The following TBC1D5 variants were observed in gnomAD, a reference collection of about 807,000 sequenced individuals.
TBC1D5 encodes TBC1 domain family member 5.
In TBC1D5, 75 loss-of-function variants were observed where a neutral mutation model predicts 100.3. That is an observed-to-expected ratio of 0.75 (90% CI 0.62 to 0.91). The LOEUF (loss-of-function observed/expected upper bound fraction) is 0.91, where lower values mean the gene tolerates loss of function less well. Ranked by LOEUF, TBC1D5 falls within the 40% of genes least tolerant of loss-of-function variation. The pLI is 0.00. For synonymous variants in TBC1D5, 323 were observed against 325.6 expected (o/e 0.99, Z 0.09); for missense variants, 910 against 942.4 (o/e 0.97, Z 0.45).
At chr3:17,470,475 G>C (rs943195846) in intron 3 of TBC1D5, among the ~76,000 whole-genome samples, 1 of 152,180 alleles carries the variant, frequency 6.6e-6, no homozygotes, top group Non-Finnish European at 1.5e-5. Context: ...AACAGAAATG[G>C]AAAATGATGC....
chr3:17,465,346 G>C (rs1017134397), intron 3 of TBC1D5: 11 of 186,314 alleles, frequency 5.9e-5, no homozygotes, highest in Admixed American at 4.1e-4. Context: ...CAACAAAGCT[G>C]TCTGGGCCAA....
chr3:17,406,541 C>A lies in TBC1D5; in HGVS notation c.168-15G>T. 6.3e-7 allele frequency: 1 copy of A among 1,593,088 alleles called. No homozygotes were observed. The highest frequency in any genetic ancestry group is 8.6e-7 in the Non-Finnish European group (1 of 1,165,982). ...CCCATTCTTTCCTATATGAAAGAAA[C>A]CAAAGCATGAGAATCCTTTTGTTAA... On this transcript the variant is annotated splice_polypyrimidine_tract_variant and intron_variant, in intron 4 of 21. Transcript: ENST00000253692.
intron 1 of TBC1D5, among the ~76,000 whole-genome samples, chr3:17,684,834 T>TA (rs2070028831): frequency 6.6e-6 from 1 of 151,932 alleles, no homozygotes; most frequent in South Asian, 2.1e-4. Flanking sequence ...AAGGTGGATT[T>TA]AAAAAAACAA....
chr3:17,725,499 G>A (rs1227580597), intron 1 of TBC1D5, among the ~76,000 whole-genome samples: 1 of 151,914 alleles, frequency 6.6e-6, no homozygotes, highest in Non-Finnish European at 1.5e-5. Context: ...ATGGCTCTTT[G>A]GAGTCTCAGT....
rs114025722 is a variant in TBC1D5, at chr3:17,484,105, C to T, written c.97+24369G>A. ...TATCAAAAGAACCAGACCCAAGGAT[C>T]TCCTTTTCACTCCTAATGTTAATTT... On this transcript the variant is annotated intron_variant, in intron 3 of 21. Coordinates refer to ENST00000253692, the Ensembl canonical transcript of TBC1D5. Among the ~76,000 whole-genome samples the T allele has an allele frequency of 3.6e-3, 554 of 152,252 alleles. 4 individuals carry two copies. The highest frequency in any genetic ancestry group is 6.8e-3 in the Middle Eastern group (2 of 294).
intron 14 of TBC1D5, among the ~76,000 whole-genome samples, chr3:17,306,702 A>G (rs758670926): frequency 2.0e-5 from 3 of 152,170 alleles, no homozygotes; most frequent in African/African-American, 4.8e-5. Flanking sequence ...ACTTTTCAGC[A>G]GTTGTTTGAT....
At chr3:17,366,442 TA>T (rs1575546426) in intron 13 of TBC1D5, among the ~76,000 whole-genome samples, 4 of 152,312 alleles carry the variant, frequency 2.6e-5, no homozygotes, top group Admixed American at 2.0e-4. Flanking sequence ...CCATAATTCT[TA>T]ATCAGTGATC....
chr3:17,584,464 G>A (rs57352109), intron 2 of TBC1D5, among the ~76,000 whole-genome samples: 49 of 151,982 alleles, frequency 3.2e-4, no homozygotes, highest in African/African-American at 1.2e-3. Context: ...ATTTAACTTC[G>A]GAAGGCTCTT....
chr3:17,517,672 T>TAC (rs2096008605), intron 2 of TBC1D5, among the ~76,000 whole-genome samples: 1 of 152,216 alleles, frequency 6.6e-6, no homozygotes, highest in African/African-American at 2.4e-5. Flanking sequence ...ACATCTGGTT[T>TAC]ATATTTGACA....
intron 2 of TBC1D5, among the ~76,000 whole-genome samples, chr3:17,610,943 G>A (rs1577007011): frequency 1.3e-5 from 2 of 152,168 alleles, no homozygotes; most frequent in Non-Finnish European, 2.9e-5. Context: ...CTGGGAGGCA[G>A]AGGTTGCAGT....
intron 15 of TBC1D5, among the ~76,000 whole-genome samples, chr3:17,280,728 G>A (rs1004646859): frequency 6.6e-6 from 1 of 152,054 alleles, no homozygotes; most frequent in Non-Finnish European, 1.5e-5. Context: ...TTTCAATTCA[G>A]CCGTGCGACC....
chr3:17,172,301 T>C (rs1488460711), intron 19 of TBC1D5, among the ~76,000 whole-genome samples: 3 of 152,218 alleles, frequency 2.0e-5, no homozygotes, highest in African/African-American at 4.8e-5. Flanking sequence ...AGTTCCCCTA[T>C]ATAAGGTGGC....
intron 17 of TBC1D5, among the ~76,000 whole-genome samples, chr3:17,227,486 G>T (rs560574162): frequency 1.3e-5 from 2 of 151,874 alleles, no homozygotes; most frequent in Non-Finnish European, 2.9e-5. Context: ...AAAGTTGAAG[G>T]TGCCCCATTA....
chr3:17,694,339 A>G (rs1225917689), intron 1 of TBC1D5, among the ~76,000 whole-genome samples: 3 of 152,206 alleles, frequency 2.0e-5, no homozygotes, highest in Non-Finnish European at 4.4e-5. Flanking sequence ...AAGGAAGCTA[A>G]AAACCTTGAA....
intron 2 of TBC1D5, among the ~76,000 whole-genome samples, chr3:17,600,168 C>T (rs916148847): frequency 6.6e-6 from 1 of 152,084 alleles, no homozygotes; most frequent in African/African-American, 2.4e-5. Flanking sequence ...CAAATGAATA[C>T]GCTCTCTTAG....
intron 9 of TBC1D5, among the ~76,000 whole-genome samples, chr3:17,377,830 T>C (rs1366549614): frequency 2.0e-5 from 3 of 152,004 alleles, no homozygotes; most frequent in Non-Finnish European, 4.4e-5. Context: ...AAACAATTTA[T>C]GATTCATTGA....
In TBC1D5 at chr3:17,534,115, C is replaced by G. The variant is rs2096261063; in HGVS notation, c.-35-25510G>C. 3.3e-5 allele frequency among the ~76,000 whole-genome samples: 5 copies of G among 152,050 alleles called. No homozygotes were observed. The South Asian group carries it at 1.0e-3, about 32-fold the overall frequency. ...ATAGATCAAGAAAGCAAAAGAATCACCCATTTTTATGGAAATGAGGGCCCC... is the reference window on the plus strand; with the variant it reads ...ATAGATCAAGAAAGCAAAAGAATCAGCCATTTTTATGGAAATGAGGGCCCC... On this transcript the variant is annotated intron_variant, in intron 2 of 21. Transcript: ENST00000253692.
chr3:17,272,391 A>G (rs1489516763), intron 15 of TBC1D5, among the ~76,000 whole-genome samples: 3 of 152,246 alleles, frequency 2.0e-5, no homozygotes, highest in South Asian at 2.1e-4. Flanking sequence ...GCATCAATTA[A>G]GCAGAAAATT....
intron 2 of TBC1D5, among the ~76,000 whole-genome samples, chr3:17,623,112 C>T (rs1249945622): frequency 6.6e-6 from 1 of 152,164 alleles, no homozygotes; most frequent in African/African-American, 2.4e-5. Flanking sequence ...AACACACATA[C>T]ACACAGAGAA....
Sources: allele counts gnomAD v4.1 joint callset (sites outside exome capture counted in the v4.1 genomes callset), GRCh38; gene constraint gnomAD v4.1.1; transcripts MANE v1.5; gene names NCBI Gene and HGNC (gene_info 2026-07-23, HGNC 2026-07-21).